PACRGL: variants seen among roughly 807,000 people sequenced by gnomAD.
The protein encoded by PACRGL is parkin coregulated like.
PACRGL carries 38 observed loss-of-function variants against 34.5 expected under a neutral mutation model. That is an observed-to-expected ratio of 1.10 (90% CI 0.85 to 1.44). The LOEUF (loss-of-function observed/expected upper bound fraction) is 1.44, where lower values mean the gene tolerates loss of function less well. Among genes scored for constraint, PACRGL ranks in the 40% most tolerant of loss-of-function variants. The probability of loss-of-function intolerance (pLI) is 0.00; values close to 1 mark genes in which losing one functional copy is unlikely to be tolerated. For missense variants in PACRGL, 305 were observed against 281.4 expected (o/e 1.08, Z -0.60); for synonymous variants, 128 against 100.1 (o/e 1.28, Z -1.66).
chr4:20,766,430 G>C, the PACRGL span, among the ~76,000 whole-genome samples: 11 of 152,256 alleles, frequency 7.2e-5, no homozygotes, highest in African/African-American at 2.6e-4. Context: ...GCCAGGCGTG[G>C]TGGCACATGC....
chr4:20,719,159 G>A (rs999456155), intron 7 of PACRGL, among the ~76,000 whole-genome samples: 1 of 152,144 alleles, frequency 6.6e-6, no homozygotes, highest in African/African-American at 2.4e-5. Context: ...TTGTATTTCT[G>A]TGGGATTGGT....
At position 20,731,260 on chromosome 4, in the gene PACRGL, G is replaced by C. The variant is rs550574818; in HGVS notation, c.*3919G>C. 5 of 351,600 alleles carry C rather than the reference G, an allele frequency of 1.4e-5. No individual in the cohort carries two copies. The highest frequency in any genetic ancestry group is 2.0e-5 in the Non-Finnish European group (5 of 251,786). 21.8% of individuals were successfully genotyped at this position (351,600 alleles called of 1,614,324 possible). A position where few individuals can be genotyped will look rare whatever the true frequency, so the allele number is the denominator to read the frequency against. ...AACTTAATTTTTTTTTGTAGAGATA[G>C]ATAGGGTCTTGCTATGTTGCCCACA... On this transcript the variant is annotated 3_prime_UTR_variant, in exon 9 of 9. Coordinates refer to ENST00000503585, the MANE Select transcript of PACRGL (RefSeq NM_001258345.3).
At chr4:20,758,101 C>T in the PACRGL span, among the ~76,000 whole-genome samples, 36 of 152,146 alleles carry the variant, frequency 2.4e-4, no homozygotes, top group Non-Finnish European at 1.6e-4. Context: ...TGGCTAGGCA[C>T]ACCATAGGCT....
rs143321353 is a variant in PACRGL at position 20,732,021 on chromosome 4, A to G, written c.*4680A>G. ...CATTACTTACTTTTTGGCAGCTTTC[A>G]ATGAACTCATCTATGGTAACAACCC... On this transcript the variant is annotated 3_prime_UTR_variant, in exon 9 of 9. Transcript: ENST00000503585. The G allele has an allele frequency of 1.2e-4, 191 of 1,613,548 alleles. 2 individuals are homozygous for G. The African/African-American group carries it at 2.0e-3, about 17-fold the overall frequency.
rs756352765 is a variant in PACRGL at position 20,709,816 on chromosome 4, T to TAAA, written c.366+46_366+48dup. On this transcript the variant is annotated intron_variant, in intron 5 of 8. Coordinates refer to ENST00000503585, the MANE Select transcript of PACRGL (RefSeq NM_001258345.3). ...TGAATATTTATCAGAAAATAAACAT[T>TAAA]AAAAATTGCATTAAATGCTACTTTG... The TAAA allele has an allele frequency of 2.0e-6, 3 of 1,468,208 alleles. No homozygotes were observed. The African/African-American group carries it at 4.2e-5, about 21-fold the overall frequency. The allele number at this position is 1,468,208 out of a possible 1,614,324, so 90.9% of individuals were successfully genotyped here. A position where few individuals can be genotyped will look rare whatever the true frequency, so the allele number is the denominator to read the frequency against.
chr4:20,718,193 CTT>C (rs1372965276), intron 7 of PACRGL, among the ~76,000 whole-genome samples: 1 of 152,154 alleles, frequency 6.6e-6, no homozygotes, highest in Non-Finnish European at 1.5e-5. Context: ...TATCCTGAGA[CTT>C]TGCTGAGTTG....
At chr4:20,724,758 C>T in intron 7 of PACRGL, 50 bp from the exon 8 acceptor site, 1 of 1,072,200 alleles carries the variant, frequency 9.3e-7, no homozygotes, top group Non-Finnish European at 1.3e-6. Context: ...GTATGGTGAG[C>T]ATTGTTAAGT....
intron 8 of PACRGL, among the ~76,000 whole-genome samples, chr4:20,744,322 C>T (rs572214740): frequency 1.4e-4 from 22 of 152,242 alleles, no homozygotes; most frequent in African/African-American, 3.6e-4. Context: ...ATGTTTATTG[C>T]GGCACTATTC....
At position 20,704,676 on chromosome 4, in the gene PACRGL, G is replaced by A. The variant is rs1452036762; in HGVS notation, c.69G>A (p.Arg23=). The A allele has an allele frequency of 6.2e-7, 1 of 1,614,012 alleles. No individual in the cohort carries two copies. The highest frequency in any genetic ancestry group is 1.7e-5 in the Admixed American group (1 of 59,996). The part of the protein sequence containing the change: ...KNRATGNYDQ[R]TSSSTQLKHR... ...TTTTTCCAGGTAACTATGATCAAAGGACATCATCAAGCACACAGTTAAAAC... is the reference window on the plus strand; with the variant it reads ...TTTTTCCAGGTAACTATGATCAAAGAACATCATCAAGCACACAGTTAAAAC... Residue 23 remains arginine (R), a synonymous_variant, in exon 3 of 9, where the codon AGG becomes AGA. Coordinates refer to ENST00000503585, the MANE Select transcript of PACRGL (RefSeq NM_001258345.3).
intron 8 of PACRGL, among the ~76,000 whole-genome samples, chr4:20,747,211 A>G (rs930485954): frequency 1.3e-5 from 2 of 152,184 alleles, no homozygotes; most frequent in Admixed American, 1.3e-4. Context: ...CTAAATTTAC[A>G]TATAAAATTG....
chr4:20,705,342 C>A (rs1421776811), intron 3 of PACRGL, among the ~76,000 whole-genome samples: 1 of 151,994 alleles, frequency 6.6e-6, no homozygotes. Flanking sequence ...TGTTATTTGC[C>A]CCATGCCCAA....
At chr4:20,761,790 T>C in the PACRGL span, among the ~76,000 whole-genome samples, 1 of 152,244 alleles carries the variant, frequency 6.6e-6, no homozygotes, top group African/African-American at 2.4e-5. Flanking sequence ...CATATCTGTG[T>C]CAGAGGAAAC....
intron 5 of PACRGL, among the ~76,000 whole-genome samples, chr4:20,711,619 A>G (rs1359234382): frequency 6.6e-6 from 1 of 152,172 alleles, no homozygotes; most frequent in Non-Finnish European, 1.5e-5. Context: ...TCTAAGCATG[A>G]TTTTGCAGCT....
chr4:20,707,816 C>A lies in PACRGL; in HGVS notation c.221C>A (p.Ser74Ter). 2 of 1,613,468 alleles carry A rather than the reference C, an allele frequency of 1.2e-6. No individual in the cohort carries two copies. The highest frequency in any genetic ancestry group is 2.2e-5 in the South Asian group (2 of 91,038). Residue 74 changes from serine to a stop codon, truncating the protein, a stop_gained, in exon 4 of 9, where the codon TCA becomes TAA. Coordinates refer to ENST00000503585, the MANE Select transcript of PACRGL (RefSeq NM_001258345.3). LOFTEE classifies it high-confidence loss of function. ...PKTINPFGEQSRVPSAFAAIY... is the reference protein window; with the variant it reads ...PKTINPFGEQ ...TTTTTATTTTAGTTTGGTGAACAGT[C>A]ACGAGTGCCTTCTGCATTTGCAGCT...
chr4:20,705,291 A>G (rs968958150), intron 3 of PACRGL, among the ~76,000 whole-genome samples: 2 of 152,168 alleles, frequency 1.3e-5, no homozygotes, highest in African/African-American at 4.8e-5. Flanking sequence ...TTATGCAGTA[A>G]AAATATTCAG....
At position 20,728,175 on chromosome 4, in the gene PACRGL, A is replaced by C. The variant is rs552052920; in HGVS notation, c.*834A>C. The C allele has an allele frequency of 1.3e-5, 2 of 151,920 alleles. No individual in the cohort carries two copies. Among genetic ancestry groups the C allele is most frequent in the African/African-American group, 4.9e-5 (2 of 41,232 alleles). 9.4% of individuals were successfully genotyped at this position (151,920 alleles called of 1,614,324 possible). On this transcript the variant is annotated 3_prime_UTR_variant, in exon 9 of 9. Transcript: ENST00000503585. ...TTTTCAGAGTATTCTAGTTTAAAAA[A>C]TTTTTTCTAATTCTGTAAATTCTAT... is the stretch of plus-strand genomic sequence containing the variant.
intron 8 of PACRGL, chr4:20,749,646 A>G (rs1301688741): frequency 6.4e-7 from 1 of 1,559,764 alleles, no homozygotes; most frequent in South Asian, 1.1e-5. Context: ...TGATATGAAA[A>G]TAATCCAGAG....
Position 20,729,803 on chromosome 4 carries a change from A to G in PACRGL, c.*2462A>G, listed in dbSNP as rs1436332039. On this transcript the variant is annotated 3_prime_UTR_variant, in exon 9 of 9. Transcript: ENST00000503585. ...GCCTCAATAATCCCATGGCTAAGGA[A>G]CCAATAAAACTATATGCCAGATTCT... is the stretch of plus-strand genomic sequence containing the variant. The G allele has an allele frequency of 3.2e-6, 1 of 312,790 alleles. No individual in the cohort carries two copies. The allele number at this position is 312,790 out of a possible 1,614,324, so 19.4% of individuals were successfully genotyped here. A position where few individuals can be genotyped will look rare whatever the true frequency, so the allele number is the denominator to read the frequency against.
At position 20,731,021 on chromosome 4, in the gene PACRGL, A is replaced by G. The variant is rs1346801413; in HGVS notation, c.*3680A>G. On this transcript the variant is annotated 3_prime_UTR_variant, in exon 9 of 9. Transcript: ENST00000503585. The stretch of plus-strand genomic sequence containing the variant: ...AAGTAAGAACAACAATTTAAAAATA[A>G]AGAGAAAAACTAAAGAAACAACGGA... Among the ~76,000 whole-genome samples, 1 of 152,212 alleles carries G rather than the reference A, an allele frequency of 6.6e-6. No homozygotes were observed. Among genetic ancestry groups the G allele is most frequent in the African/African-American group, 2.4e-5 (1 of 41,456 alleles).
Sources: allele counts gnomAD v4.1 joint callset (sites outside exome capture counted in the v4.1 genomes callset), GRCh38; gene constraint gnomAD v4.1.1; transcripts MANE v1.5; gene names NCBI Gene and HGNC (gene_info 2026-07-23, HGNC 2026-07-21).